The following SRRM1 variants were observed in gnomAD, a reference collection of about 807,000 sequenced individuals.
The protein encoded by SRRM1 is serine/arginine repetitive matrix protein 1.
In SRRM1, 19 loss-of-function variants were observed where a neutral mutation model predicts 110.2. The observed-to-expected ratio is 0.17, with a 90% CI of 0.12 to 0.25. The LOEUF is 0.25. SRRM1 is among the 10% of genes least tolerant of loss of function. SRRM1 has a pLI of 1.00. For missense variants in SRRM1, 918 were observed against 1,145.8 expected (o/e 0.80, Z 2.87); for synonymous variants, 443 against 414.9 (o/e 1.07, Z -0.82).
intron 12 of SRRM1, among the ~76,000 whole-genome samples, chr1:24,664,520 A>C (rs1376693078): frequency 6.6e-6 from 1 of 152,218 alleles, no homozygotes; most frequent in Non-Finnish European, 1.5e-5. Context: ...TTGGGGCCTT[A>C]GCTGCCACTG....
In SRRM1 at chr1:24,652,605, A is replaced by G; in HGVS notation, c.897A>G (p.Arg299=). The change falls in exon 7 of 17, where the codon AGA becomes AGG. Residue 299 remains arginine, a synonymous_variant. Transcript: ENST00000323848. The part of the protein sequence containing the change: ...RSRSPSHTRP[R]RRHRSRSRSY... Reference sequence around the variant, plus strand: ...GCTCTCCTTCTCACACTCGACCTAGACGGCGCCATAGATCCCGATCAAGGT... The same window carrying G: ...GCTCTCCTTCTCACACTCGACCTAGGCGGCGCCATAGATCCCGATCAAGGT... The G allele has an allele frequency of 1.2e-6, 2 of 1,606,588 alleles. No homozygotes were observed. The highest frequency in any genetic ancestry group is 1.7e-6 in the Non-Finnish European group (2 of 1,177,920).
intron 10 of SRRM1, 63 bp from the exon 11 acceptor site, chr1:24,661,247 C>A: frequency 7.9e-7 from 1 of 1,262,060 alleles, no homozygotes. Context: ...TTTTCCTATT[C>A]AAATTGCAAA....
chr1:24,664,013 T>G (rs1571012047), intron 12 of SRRM1, among the ~76,000 whole-genome samples: 1 of 141,498 alleles, frequency 7.1e-6, no homozygotes, highest in Non-Finnish European at 1.5e-5. Flanking sequence ...TTTTTTTTGT[T>G]GAGATGGAGT....
At chr1:24,657,602 G>A (rs1239561810) in intron 9 of SRRM1, among the ~76,000 whole-genome samples, 2 of 152,306 alleles carry the variant, frequency 1.3e-5, no homozygotes, top group Admixed American at 6.5e-5. Context: ...GCTCTTGATA[G>A]TGGGCAAATG....
At chr1:24,652,664 G>A in intron 7 of SRRM1, 36 bp downstream of exon 7, 1 of 1,539,046 alleles carries the variant, frequency 6.5e-7, no homozygotes, top group Non-Finnish European at 8.8e-7. Context: ...AAGATCTTAG[G>A]TTTTATATAC....
At chr1:24,658,054 A>G (rs1408212289) in intron 9 of SRRM1, among the ~76,000 whole-genome samples, 1 of 152,154 alleles carries the variant, frequency 6.6e-6, no homozygotes, top group Non-Finnish European at 1.5e-5. Context: ...TTGTCCCTTG[A>G]ATACTTAAAA....
rs1427998569 is a variant in SRRM1 at position 24,651,608 on chromosome 1, A to G, written c.721A>G (p.Thr241Ala). Reference sequence around the variant, plus strand: ...ACCTTCAGTACAAGAGGCTACTTCTACTAGGCAAGTATATAAAAATTCATT... The same window carrying G: ...ACCTTCAGTACAAGAGGCTACTTCTGCTAGGCAAGTATATAAAAATTCATT... ...KEPSVQEATS[T>A]SDILKVPKPE... The change falls in exon 6 of 17, where the codon ACT becomes GCT. Residue 241 changes from threonine to alanine, a missense_variant. This residue lies in a region of SRRM1 where 456 missense variants were observed against 453.5 expected (regional missense o/e 1.01). Coordinates refer to ENST00000323848, the MANE Select transcript of SRRM1 (RefSeq NM_005839.4). 1.9e-6 allele frequency: 3 copies of G among 1,604,350 alleles called. No individual in the cohort carries two copies. Among genetic ancestry groups the G allele is most frequent in the Non-Finnish European group, 2.6e-6 (3 of 1,175,396 alleles).
At chr1:24,644,276 T>G (rs922638355) in intron 1 of SRRM1, among the ~76,000 whole-genome samples, 1 of 152,092 alleles carries the variant, frequency 6.6e-6, no homozygotes, top group African/African-American at 2.4e-5. Flanking sequence ...TGTAGGAAAT[T>G]AGTACTAGAT....
At position 24,672,413 on chromosome 1, in the gene SRRM1, A is replaced by T; in HGVS notation, c.*127A>T. 1 of 627,746 alleles carries T rather than the reference A, an allele frequency of 1.6e-6. No individual in the cohort carries two copies. Among genetic ancestry groups the T allele is most frequent in the South Asian group, 2.2e-5 (1 of 45,264 alleles). The allele number at this position is 627,746 out of a possible 1,614,324, so 38.9% of individuals were successfully genotyped here. A position where few individuals can be genotyped will look rare whatever the true frequency, so the allele number is the denominator to read the frequency against. On this transcript the variant is annotated 3_prime_UTR_variant, in exon 17 of 17. Coordinates refer to ENST00000323848, the MANE Select transcript of SRRM1 (RefSeq NM_005839.4). ...AATAATTGCTAGGTTGAAGTTCAAC[A>T]TGTAAAAAAAGGGGGCATGGATTTA...
chr1:24,660,300 C>G (rs1666477879), intron 9 of SRRM1, among the ~76,000 whole-genome samples: 1 of 152,192 alleles, frequency 6.6e-6, no homozygotes, highest in African/African-American at 2.4e-5. Flanking sequence ...TTTCCTTTAA[C>G]TGTTGGTTTT....
chr1:24,665,995 G>T (rs569788822), intron 12 of SRRM1, among the ~76,000 whole-genome samples: 1 of 152,204 alleles, frequency 6.6e-6, no homozygotes, highest in East Asian at 1.9e-4. Context: ...TGTGACTATT[G>T]GCATTTTTGA....
chr1:24,657,820 C>T (rs964517245), intron 9 of SRRM1, among the ~76,000 whole-genome samples: 16 of 152,128 alleles, frequency 1.1e-4, no homozygotes, highest in Admixed American at 7.2e-4. Context: ...CTGGTGGTGA[C>T]GGTGTGGTAA....
chr1:24,656,905 A>C (rs918715048), intron 9 of SRRM1, among the ~76,000 whole-genome samples: 1 of 152,190 alleles, frequency 6.6e-6, no homozygotes, highest in Non-Finnish European at 1.5e-5. Flanking sequence ...AAGAGTGGAT[A>C]TGTACATAGG....
chr1:24,647,231 ACAT>A (rs531495474), intron 3 of SRRM1: 131 of 153,432 alleles, frequency 8.5e-4, no homozygotes, highest in Non-Finnish European at 1.4e-3. Flanking sequence ...AAGTGGCCAA[ACAT>A]CAACAACAAC....
intron 16 of SRRM1, 56 bp downstream of exon 16, chr1:24,671,651 C>A (rs1553180859): frequency 1.4e-6 from 2 of 1,477,494 alleles, no homozygotes; most frequent in South Asian, 1.3e-5. Flanking sequence ...ATAGCAAAGT[C>A]ATTTTGTTTT....
chr1:24,660,673 A>G (rs756680240), intron 9 of SRRM1, 46 bp from the exon 10 acceptor site: 7 of 1,016,874 alleles, frequency 6.9e-6, no homozygotes, highest in Non-Finnish European at 7.3e-6. Flanking sequence ...TCTTGTATAG[A>G]CCTTTTTTTG....
Position 24,669,157 on chromosome 1 carries a change from TCTC to T in SRRM1, c.1777_1779del (p.Pro593del). ...TCCTCCCCCACGTCGGCGCTCACCT[TCTC>T]CTAGAAGATACTCTCCTCCAATACA... On this transcript the variant is annotated inframe_deletion, in exon 14 of 17. Coordinates refer to ENST00000323848, the MANE Select transcript of SRRM1 (RefSeq NM_005839.4). 2 of 1,611,742 alleles carry T rather than the reference TCTC, an allele frequency of 1.2e-6. No homozygotes were observed. The highest frequency in any genetic ancestry group is 1.1e-5 in the South Asian group (1 of 91,040).
intron 8 of SRRM1, 65 bp downstream of exon 8, chr1:24,653,097 T>G: frequency 6.7e-7 from 1 of 1,503,542 alleles, no homozygotes; most frequent in Non-Finnish European, 9.0e-7. Context: ...TCTTTTAGGA[T>G]AATCTGTAAA....
At chr1:24,666,668 G>C (rs1046423990) in intron 12 of SRRM1, 147 bp from the exon 13 acceptor site, 5 of 590,448 alleles carry the variant, frequency 8.5e-6, no homozygotes, top group Non-Finnish European at 1.5e-5. Context: ...AGGAGGCTGA[G>C]GGGGGAGAAT....
Sources: gnomAD v4.1 joint callset for allele counts (sites outside exome capture counted in the v4.1 genomes callset) on GRCh38, gnomAD v4.1.1 for gene constraint, gnomAD v4.1.1 regional missense constraint, MANE v1.5 for transcripts, NCBI Gene and HGNC (gene_info 2026-07-23, HGNC 2026-07-21) for gene names.